Variants in SNX32 observed in about 807,000 individuals in gnomAD.
SNX32 encodes the protein sorting nexin 32, also known as sorting nexin-32.
SNX32 carries 58 observed loss-of-function variants against 57.0 expected under a neutral mutation model. The ratio of observed to expected loss-of-function variants is 1.02; its 90% confidence interval spans 0.82 to 1.27. The LOEUF (loss-of-function observed/expected upper bound fraction) is 1.27. SNX32 is among the 50% of genes most tolerant of loss of function. SNX32 has a pLI of 0.00. For missense variants in SNX32, 589 were observed against 541.2 expected, an observed-to-expected ratio of 1.09 and a Z score of -0.88; for synonymous variants, 262 against 220.4, an observed-to-expected ratio of 1.19 and a Z score of -1.67.
At chr11:65,835,450 T>C (rs1010947571) in intron 1 of SNX32, 1 of 152,186 alleles carries the variant, frequency 6.6e-6, no homozygotes, top group Non-Finnish European at 1.5e-5. Flanking sequence ...ATGGCTTCAC[T>C]TGTGTTCTGA....
intron 1 of SNX32, among the ~76,000 whole-genome samples, chr11:65,848,906 G>A (rs1047067496): frequency 3.9e-5 from 6 of 152,270 alleles, no homozygotes; most frequent in East Asian, 1.9e-4. Flanking sequence ...ACTTTGGGAC[G>A]CCAAGGCAGG....
At chr11:65,847,907 C>CA (rs112552000) in intron 1 of SNX32, among the ~76,000 whole-genome samples, 7,202 of 124,772 alleles carry the variant, frequency 0.058, 218 homozygotes, top group African/African-American at 0.11. Context: ...AAGATGCTAT[C>CA]AAAAAAAAAA....
rs776955754 is a variant in SNX32, at chr11:65,852,938, C to A, written c.1138C>A (p.Leu380Met). The change falls in exon 12 of 13, where the codon CTG becomes ATG. Residue 380 changes from leucine (L) to methionine (M), a missense_variant. Coordinates refer to ENST00000308342, the MANE Select transcript of SNX32 (RefSeq NM_152760.3). ...AAAGAATCTCATTGAGCTGGCAGAG[C>A]TGGAGCTCAAACACGCCAAGGTGAG... Reference protein sequence around the residue: ...FRKNLIELAELELKHAKASTL... With the variant: ...FRKNLIELAEMELKHAKASTL... 1 of 1,614,176 alleles carries A rather than the reference C, an allele frequency of 6.2e-7. No individual in the cohort carries two copies. The highest frequency in any genetic ancestry group is 1.1e-5 in the South Asian group (1 of 91,086).
intron 1 of SNX32, among the ~76,000 whole-genome samples, chr11:65,840,238 C>T (rs1435594217): frequency 1.3e-5 from 2 of 152,006 alleles, no homozygotes; most frequent in Admixed American, 1.3e-4. Context: ...TGATAAAAAT[C>T]AACACTCTCA....
rs139892606 is a variant in SNX32, at chr11:65,839,732, C to CA, written c.36+5648dup. 8.7e-3 allele frequency among the ~76,000 whole-genome samples: 1,049 copies of CA among 120,478 alleles called. 14 individuals carry two copies. Among genetic ancestry groups the CA allele is most frequent in the African/African-American group, 0.025 (810 of 31,914 alleles). 79.0% of individuals were successfully genotyped at this position (120,478 alleles called of 152,430 possible). On this transcript the variant is annotated intron_variant, in intron 1 of 12. Coordinates refer to ENST00000308342, the MANE Select transcript of SNX32 (RefSeq NM_152760.3). ...TGGGTGACACAGTGAGACCCTGTCC[C>CA]AAAAAAAAAAAAAAAAATTATCAAG...
In SNX32 at chr11:65,852,766, G is replaced by T; in HGVS notation, c.1049G>T (p.Arg350Leu). ...CAGCTGTGCTGCCAACGCTTCGAGC[G>T]CCTCTCCGACTCCGCCAAGCAAGGT... ...HQQLCCQRFE[R>L]LSDSAKQELM... Residue 350 changes from arginine to leucine, a missense_variant, in exon 11 of 13, where the codon CGC (arginine) becomes CTC (leucine). Arg to Leu is a moderately radical substitution (Grantham distance 102). Coordinates refer to ENST00000308342, the MANE Select transcript of SNX32 (RefSeq NM_152760.3). 6.2e-7 allele frequency: 1 copy of T among 1,609,224 alleles called. No homozygotes were observed. Among genetic ancestry groups the T allele is most frequent in the South Asian group, 1.1e-5 (1 of 90,912 alleles).
intron 1 of SNX32, among the ~76,000 whole-genome samples, chr11:65,841,215 G>A (rs368947958): frequency 6.7e-6 from 1 of 149,478 alleles, no homozygotes; most frequent in East Asian, 2.0e-4. Context: ...CAAAGTGCAT[G>A]AGCCACCTCG....
rs1415179516 is a variant in SNX32, at chr11:65,853,357, C to A, written c.*22C>A. Reference sequence around the variant, plus strand: ...TTAGAGTAGCCAGAGCTCAGCCAGACCCTAATCTGGGATCTCCAGTGACCA... The same window carrying A: ...TTAGAGTAGCCAGAGCTCAGCCAGAACCTAATCTGGGATCTCCAGTGACCA... On this transcript the variant is annotated 3_prime_UTR_variant, in exon 13 of 13. Transcript: ENST00000308342. 4 of 1,612,178 alleles carry A rather than the reference C, an allele frequency of 2.5e-6. No individual in the cohort carries two copies. The South Asian group carries it at 3.3e-5, about 13-fold the overall frequency.
intron 1 of SNX32, among the ~76,000 whole-genome samples, chr11:65,839,223 G>GTTTTTTTTTTTTTTTGT (rs755185237): frequency 4.3e-5 from 1 of 23,078 alleles, no homozygotes; most frequent in African/African-American, 2.0e-4. Context: ...TAATTTTTTT[G>GTTTTTTTTTTTTTTTGT]TATTTTTTTT....
At chr11:65,851,528 A>G in intron 8 of SNX32, 112 bp from the exon 9 acceptor site, 1 of 1,509,360 alleles carries the variant, frequency 6.6e-7, no homozygotes. Flanking sequence ...CTGTTGGGGG[A>G]TGGTGTTGGG....
At chr11:65,840,523 G>A (rs1858812728) in intron 1 of SNX32, among the ~76,000 whole-genome samples, 1 of 152,054 alleles carries the variant, frequency 6.6e-6, no homozygotes, top group Admixed American at 6.6e-5. Context: ...AAAAGAACTG[G>A]CCAGGAAGGT....
At chr11:65,848,139 G>T (rs947686549) in intron 1 of SNX32, among the ~76,000 whole-genome samples, 3 of 152,106 alleles carry the variant, frequency 2.0e-5, no homozygotes, top group Non-Finnish European at 4.4e-5. Context: ...TCCAAAGTGT[G>T]CCAAAAGCAG....
intron 1 of SNX32, among the ~76,000 whole-genome samples, chr11:65,848,860 T>C (rs1468110653): frequency 6.6e-6 from 1 of 151,888 alleles, no homozygotes; most frequent in Non-Finnish European, 1.5e-5. Context: ...AAACTGGGTT[T>C]TGCTGGGCAC....
At chr11:65,845,536 A>G (rs924356168) in intron 1 of SNX32, among the ~76,000 whole-genome samples, 1 of 152,158 alleles carries the variant, frequency 6.6e-6, no homozygotes, top group Admixed American at 6.5e-5. Context: ...CAGGAGTTTG[A>G]GACCAACCTG....
chr11:65,847,636 G>A (rs1392346337), intron 1 of SNX32, among the ~76,000 whole-genome samples: 2 of 152,110 alleles, frequency 1.3e-5, no homozygotes, highest in Non-Finnish European at 2.9e-5. Flanking sequence ...GGGGCTGGGT[G>A]CAGTGGCTCA....
chr11:65,837,817 CAA>C (rs774242704), intron 1 of SNX32, among the ~76,000 whole-genome samples: 2 of 71,430 alleles, frequency 2.8e-5, no homozygotes, highest in Admixed American at 2.0e-4. Flanking sequence ...AAGACTCTCT[CAA>C]AAAAAAAAAA....
rs553222801 is a variant in SNX32, at chr11:65,844,982, G to C, written c.37-4496G>C. Among the ~76,000 whole-genome samples the C allele has an allele frequency of 4.5e-3, 596 of 131,508 alleles. 4 individuals carry two copies. The highest frequency in any genetic ancestry group is 7.5e-3 in the Non-Finnish European group (452 of 59,908). 86.3% of individuals were successfully genotyped at this position (131,508 alleles called of 152,430 possible). A position where few individuals can be genotyped will look rare whatever the true frequency, so the allele number is the denominator to read the frequency against. On this transcript the variant is annotated intron_variant, in intron 1 of 12. Coordinates refer to ENST00000308342, the MANE Select transcript of SNX32 (RefSeq NM_152760.3). ...CTCTGTCTCAAAAAAAAAAAAAAAAGTCTTCTAAAGACCTGTGTAAGAATG... is the reference window on the plus strand; with the variant it reads ...CTCTGTCTCAAAAAAAAAAAAAAAACTCTTCTAAAGACCTGTGTAAGAATG...
At chr11:65,842,972 A>AAAAAAAAAT (rs1858887135) in intron 1 of SNX32, among the ~76,000 whole-genome samples, 1 of 144,324 alleles carries the variant, frequency 6.9e-6, no homozygotes, top group Admixed American at 6.8e-5. Flanking sequence ...AAAAAAAAAA[A>AAAAAAAAAT]GAAACACTTT....
In SNX32 at chr11:65,850,182, G is replaced by A. The variant is rs985615997; in HGVS notation, c.285G>A (p.Glu95=). 1 of 1,614,116 alleles carries A rather than the reference G, an allele frequency of 6.2e-7. No homozygotes were observed. Among genetic ancestry groups the A allele is most frequent in the African/African-American group, 1.3e-5 (1 of 74,940 alleles). Residue 95 remains glutamate (E), a synonymous_variant, in exon 4 of 13, where the codon GAG becomes GAA. Transcript: ENST00000308342. ...IPPAPPRPDF[E]ASREKLQKLG... ...CAGCCCCTCCGAGGCCAGACTTTGA[G>A]GCTTCGAGGGAAAAGCTACAGAAAT...
Sources: gnomAD v4.1 joint callset for allele counts (sites outside exome capture counted in the v4.1 genomes callset) on GRCh38, gnomAD v4.1.1 for gene constraint, MANE v1.5 for transcripts, NCBI Gene and HGNC (gene_info 2026-07-23, HGNC 2026-07-21) for gene names.